ZFHX3: variants seen among roughly 807,000 people sequenced by gnomAD.
ZFHX3 encodes zinc finger homeobox 3, also known as zinc finger homeobox protein 3.
In ZFHX3, 42 loss-of-function variants were observed where a neutral mutation model predicts 279.1. The ratio of observed to expected loss-of-function variants is 0.15; its 90% CI spans 0.12 to 0.19. ZFHX3 has a LOEUF of 0.19. Among genes scored for constraint, ZFHX3 ranks in the 10% least tolerant of loss-of-function variants. ZFHX3 has a pLI of 1.00. For missense variants in ZFHX3, 4,981 were observed against 4,754.0 expected, an observed-to-expected ratio of 1.05 and a Z score of -1.40; for synonymous variants, 2,293 against 1,957.8, an observed-to-expected ratio of 1.17 and a Z score of -4.52.
intron 3 of ZFHX3, among the ~76,000 whole-genome samples, chr16:73,411,761 TC>T (rs2017471214): frequency 6.6e-6 from 1 of 152,202 alleles, no homozygotes; most frequent in African/African-American, 2.4e-5. Context: ...TGCAAGCTGG[TC>T]CTTTTTATGG....
At chr16:73,188,266 C>T (rs1345540774) in intron 5 of ZFHX3, among the ~76,000 whole-genome samples, 2 of 152,092 alleles carry the variant, frequency 1.3e-5, no homozygotes, top group Non-Finnish European at 2.9e-5. Flanking sequence ...ACAATCTTAC[C>T]TTACTGCAGC....
At chr16:73,845,027 G>A (rs752260810) in intron 1 of ZFHX3, among the ~76,000 whole-genome samples, 3 of 152,082 alleles carry the variant, frequency 2.0e-5, no homozygotes, top group Non-Finnish European at 4.4e-5. Context: ...AGAAGGAAGA[G>A]GTGGTAGGAG....
At chr16:73,240,550 A>C (rs2013090787) in intron 5 of ZFHX3, among the ~76,000 whole-genome samples, 1 of 152,150 alleles carries the variant, frequency 6.6e-6, no homozygotes, top group African/African-American at 2.4e-5. Context: ...AAAATCACCA[A>C]CTAAGAGCAC....
At chr16:73,420,804 A>C (rs540673788) in intron 3 of ZFHX3, 1 of 152,324 alleles carries the variant, frequency 6.6e-6, no homozygotes, top group South Asian at 2.1e-4. Context: ...GTTTTTGCAC[A>C]CTCATTGACT....
intron 2 of ZFHX3, among the ~76,000 whole-genome samples, chr16:73,634,435 T>TAC (rs2052508932): frequency 7.7e-6 from 1 of 130,642 alleles, no homozygotes; most frequent in East Asian, 2.0e-4. Context: ...TTATGTATAA[T>TAC]ATATATATAT....
chr16:73,289,198 G>C (rs151251964), intron 4 of ZFHX3, among the ~76,000 whole-genome samples: 1 of 151,790 alleles, frequency 6.6e-6, no homozygotes, highest in African/African-American at 2.4e-5. Flanking sequence ...CGTGTGGCTG[G>C]GGAGGAAAAT....
At chr16:73,681,690 T>G (rs1420083637) in intron 1 of ZFHX3, among the ~76,000 whole-genome samples, 3 of 152,198 alleles carry the variant, frequency 2.0e-5, no homozygotes, top group Non-Finnish European at 4.4e-5. Context: ...CTGATCCTGT[T>G]CTCCGGACTT....
chr16:73,776,908 CAAT>C (rs1394537771), intron 1 of ZFHX3, among the ~76,000 whole-genome samples: 2 of 152,024 alleles, frequency 1.3e-5, no homozygotes, highest in East Asian at 3.9e-4. Flanking sequence ...TTTTAAGGAA[CAAT>C]ATTATCAGAT....
chr16:73,360,706 C>T (rs537351542), intron 3 of ZFHX3, among the ~76,000 whole-genome samples: 1 of 152,324 alleles, frequency 6.6e-6, no homozygotes, highest in South Asian at 2.1e-4. Context: ...CTGGAGAACA[C>T]AGTTTTAACA....
intron 1 of ZFHX3, among the ~76,000 whole-genome samples, chr16:72,969,680 G>A (rs554095394): frequency 2.6e-5 from 4 of 152,264 alleles, no homozygotes; most frequent in Non-Finnish European, 4.4e-5. Context: ...TCCAAGAGAA[G>A]GTGAAACCTC....
intron 7 of ZFHX3, chr16:72,807,749 C>G (rs2036313578): frequency 6.6e-6 from 1 of 152,102 alleles, no homozygotes; most frequent in African/African-American, 2.4e-5. Context: ...TGTAAATACC[C>G]CGGACACACC....
chr16:73,829,956 T>G (rs201176283), intron 1 of ZFHX3, among the ~76,000 whole-genome samples: 10,600 of 99,554 alleles, frequency 0.11, 571 homozygotes, highest in East Asian at 0.33. Context: ...CCCGGCTGCT[T>G]TGTTTACCTA....
At chr16:73,537,314 CTTTTTTTTTTTTTTTT>C (rs3051948) in intron 2 of ZFHX3, among the ~76,000 whole-genome samples, 3 of 77,626 alleles carry the variant, frequency 3.9e-5, no homozygotes, top group Middle Eastern at 6.6e-3. Flanking sequence ...CTTTCTTCTT[CTTTTTTTTTTTTTTTT>C]TTTTTTTTTT....
chr16:73,593,360 A>G (rs1344655130), intron 2 of ZFHX3, among the ~76,000 whole-genome samples: 1 of 152,198 alleles, frequency 6.6e-6, no homozygotes, highest in Non-Finnish European at 1.5e-5. Flanking sequence ...AAATAGGTAT[A>G]AATTTCTAAC....
At chr16:73,206,491 C>T (rs575672671) in intron 5 of ZFHX3, among the ~76,000 whole-genome samples, 53 of 152,230 alleles carry the variant, frequency 3.5e-4, no homozygotes, top group African/African-American at 1.2e-3. Flanking sequence ...GCTTAGAGTT[C>T]GCTACTGCCT....
chr16:73,716,856 C>G (rs974019663), intron 1 of ZFHX3, among the ~76,000 whole-genome samples: 2 of 152,156 alleles, frequency 1.3e-5, no homozygotes, highest in South Asian at 2.1e-4. Context: ...CCGGCTCGCT[C>G]TCTGCATCAC....
Position 72,793,407 on chromosome 16 carries a change from C to G in ZFHX3, c.9275G>C (p.Gly3092Ala). ...CATCCCTTGCTGCTGAGCTGCCAGT[C>G]CAAGGACCTCGTTGGCCTTTTTAAT... is the stretch of plus-strand genomic sequence containing the variant. ...DRIKKANEVL[G>A]LAAQQQGMFD... Residue 3092 changes from glycine (G) to alanine (A), a missense_variant, in exon 9 of 10, where the codon GGA becomes GCA. By Grantham distance (60) the Gly-to-Ala change is moderately conservative. Around this residue, in one of 7 missense-constraint regions of ZFHX3, gnomAD observed 168 missense variants for 249.1 expected, o/e 0.67. Transcript: ENST00000268489. This position sits in a 1 kb window ranked among gnomAD's most constrained non-coding sequence, Gnocchi z 4.3. The G allele has an allele frequency of 6.2e-7, 1 of 1,614,206 alleles. No individual in the cohort carries two copies. The highest frequency in any genetic ancestry group is 8.5e-7 in the Non-Finnish European group (1 of 1,180,036).
At chr16:73,425,491 C>A (rs186763746) in intron 3 of ZFHX3, among the ~76,000 whole-genome samples, 4 of 152,102 alleles carry the variant, frequency 2.6e-5, no homozygotes, top group Admixed American at 6.5e-5. Flanking sequence ...AGGATCCAAG[C>A]GCTAAAGTGA....
chr16:72,799,832 T>TC (rs1567520885), intron 8 of ZFHX3, among the ~76,000 whole-genome samples, 195 bp downstream of exon 8: 1 of 152,210 alleles, frequency 6.6e-6, no homozygotes, highest in Non-Finnish European at 1.5e-5. Flanking sequence ...TTCTCTCACT[T>TC]TAAACCATGT....
Sources: gnomAD v4.1 joint callset for allele counts (sites outside exome capture counted in the v4.1 genomes callset) on GRCh38, gnomAD v4.1.1 for gene constraint, gnomAD v4.1.1 regional missense constraint, Gnocchi (gnomAD v3.1) non-coding constraint, MANE v1.5 for transcripts, NCBI Gene and HGNC (gene_info 2026-07-23, HGNC 2026-07-21) for gene names.